Variants in ELMO1 observed in about 807,000 individuals in gnomAD.
ELMO1 encodes engulfment and cell motility 1, also known as engulfment and cell motility protein 1.
In ELMO1, 26 loss-of-function variants were observed where a neutral mutation model predicts 98.9. That is an observed-to-expected ratio of 0.26 (90% confidence interval 0.19 to 0.36). The LOEUF is 0.36. Ranked by LOEUF, ELMO1 falls within the 10% of genes least tolerant of loss-of-function variation. ELMO1 has a pLI of 1.00. For missense variants in ELMO1, 627 were observed against 935.2 expected (o/e 0.67, Z 4.30); for synonymous variants, 346 against 346.0 (o/e 1.00, Z 0.00).
intron 16 of ELMO1, among the ~76,000 whole-genome samples, chr7:37,006,980 C>T (rs928469352): frequency 2.0e-5 from 3 of 151,974 alleles, no homozygotes; most frequent in African/African-American, 2.4e-5. Context: ...CAACAGAAAG[C>T]GGCAAACTCC....
chr7:36,855,850 T>A lies in ELMO1; in HGVS notation c.1984-99A>T. On this transcript the variant is annotated intron_variant, in intron 21 of 21. Coordinates refer to ENST00000310758, the MANE Select transcript of ELMO1 (RefSeq NM_014800.11). The surrounding 1 kb of genome is among the most constrained non-coding windows in gnomAD (Gnocchi z 4.2). ...AGTGAATACTCATCCCTCAGTAGGCTGTGCGCTAAGGGCTCTGCCTACTTC... is the reference window on the plus strand; with the variant it reads ...AGTGAATACTCATCCCTCAGTAGGCAGTGCGCTAAGGGCTCTGCCTACTTC... 3 of 1,386,794 alleles carry A rather than the reference T, an allele frequency of 2.2e-6. No individual in the cohort carries two copies. Among genetic ancestry groups the A allele is most frequent in the Non-Finnish European group, 3.0e-6 (3 of 988,718 alleles). 85.9% of individuals were successfully genotyped at this position (1,386,794 alleles called of 1,614,324 possible).
intron 16 of ELMO1, among the ~76,000 whole-genome samples, chr7:37,001,552 CA>C (rs1235217504): frequency 6.6e-6 from 1 of 152,034 alleles, no homozygotes; most frequent in Non-Finnish European, 1.5e-5. Flanking sequence ...AGATATTTTC[CA>C]AAAAATTTTG....
At chr7:37,181,226 C>G (rs541572099) in intron 13 of ELMO1, among the ~76,000 whole-genome samples, 4 of 152,228 alleles carry the variant, frequency 2.6e-5, no homozygotes, top group East Asian at 1.9e-4. Context: ...CATCAGCATG[C>G]CCAGTGGCCA....
chr7:37,121,911 A>C (rs1563015960), intron 14 of ELMO1, among the ~76,000 whole-genome samples: 2 of 152,250 alleles, frequency 1.3e-5, no homozygotes, highest in African/African-American at 4.8e-5. Context: ...CACAAAGGGA[A>C]GCCCATCAGA....
At chr7:37,327,880 A>T (rs1799901002) in intron 2 of ELMO1, among the ~76,000 whole-genome samples, 1 of 152,180 alleles carries the variant, frequency 6.6e-6, no homozygotes, top group Non-Finnish European at 1.5e-5. Flanking sequence ...CAATAATGAC[A>T]ATCTCACATT....
At chr7:37,433,195 C>G (rs11767227) in intron 1 of ELMO1, among the ~76,000 whole-genome samples, 32,690 of 152,152 alleles carry the variant, frequency 0.21, 3,639 homozygotes, top group South Asian at 0.36. Context: ...GACGAAGGAA[C>G]CATTTTAAAG....
chr7:37,063,427 C>T (rs1001178967), intron 15 of ELMO1, among the ~76,000 whole-genome samples: 6 of 152,002 alleles, frequency 3.9e-5, no homozygotes, highest in Non-Finnish European at 1.5e-5. Context: ...AATAAAAGGT[C>T]CTACAGTCAG....
At chr7:36,926,050 T>C (rs1054628678) in intron 16 of ELMO1, among the ~76,000 whole-genome samples, 1 of 152,180 alleles carries the variant, frequency 6.6e-6, no homozygotes, top group Non-Finnish European at 1.5e-5. Flanking sequence ...CCCCTTCATC[T>C]TCATTCTTCC....
intron 4 of ELMO1, among the ~76,000 whole-genome samples, chr7:37,303,842 A>C (rs991867137): frequency 6.6e-6 from 1 of 152,188 alleles, no homozygotes; most frequent in Non-Finnish European, 1.5e-5. Context: ...GTTGCATCTT[A>C]CCAAGCATAA....
intron 1 of ELMO1, among the ~76,000 whole-genome samples, chr7:37,439,308 C>T (rs766585801): frequency 1.4e-4 from 21 of 152,252 alleles, no homozygotes; most frequent in Non-Finnish European, 2.6e-4. Flanking sequence ...TGTCCTCCAT[C>T]ACCCTGATTG....
intron 16 of ELMO1, among the ~76,000 whole-genome samples, chr7:36,978,421 G>A (rs1790766988): frequency 6.6e-6 from 1 of 151,980 alleles, no homozygotes; most frequent in Admixed American, 6.6e-5. Context: ...AATACATCAT[G>A]GGTATGAAGT....
At chr7:36,926,524 G>A (rs1236247121) in intron 16 of ELMO1, among the ~76,000 whole-genome samples, 1 of 152,024 alleles carries the variant, frequency 6.6e-6, no homozygotes, top group Non-Finnish European at 1.5e-5. Context: ...GGAGTCTCAG[G>A]TTTTACCTTT....
chr7:37,415,480 G>A (rs905798705), intron 1 of ELMO1, among the ~76,000 whole-genome samples: 5 of 152,092 alleles, frequency 3.3e-5, no homozygotes, highest in African/African-American at 1.2e-4. Context: ...GTGTCGACTT[G>A]GCAAGTTTAT....
intron 19 of ELMO1, among the ~76,000 whole-genome samples, chr7:36,873,134 A>G (rs1267077159): frequency 6.6e-6 from 1 of 152,180 alleles, no homozygotes; most frequent in African/African-American, 2.4e-5. Flanking sequence ...TAGGATTATG[A>G]CTAAAAGGAA....
chr7:37,433,920 C>A (rs1805035735), intron 1 of ELMO1, among the ~76,000 whole-genome samples: 2 of 152,120 alleles, frequency 1.3e-5, no homozygotes, highest in Admixed American at 6.5e-5. Flanking sequence ...CACTCAGAAC[C>A]CCTGCCTGTC....
intron 16 of ELMO1, among the ~76,000 whole-genome samples, chr7:36,991,397 G>A (rs995949779): frequency 3.9e-5 from 6 of 152,228 alleles, no homozygotes; most frequent in African/African-American, 9.6e-5. Context: ...CAATGGGTCA[G>A]AGGTGTAGCC....
At chr7:37,050,659 C>CACACACACACAA (rs767009287) in intron 15 of ELMO1, among the ~76,000 whole-genome samples, 1 of 142,630 alleles carries the variant, frequency 7.0e-6, no homozygotes, top group Non-Finnish European at 1.5e-5. Flanking sequence ...CACACACACA[C>CACACACACACAA]AAAAGGTAAC....
intron 19 of ELMO1, among the ~76,000 whole-genome samples, chr7:36,874,050 A>G (rs1425865057): frequency 6.6e-6 from 1 of 152,220 alleles, no homozygotes; most frequent in Non-Finnish European, 1.5e-5. Context: ...GCCACATGGC[A>G]TGGAATGGTG....
chr7:37,362,795 C>T (rs1367122275), intron 1 of ELMO1, among the ~76,000 whole-genome samples: 1 of 152,170 alleles, frequency 6.6e-6, no homozygotes, highest in African/African-American at 2.4e-5. Flanking sequence ...TTCCTGCTTC[C>T]CCTCTTCTGA....
Sources: allele counts gnomAD v4.1 joint callset (sites outside exome capture counted in the v4.1 genomes callset), GRCh38; gene constraint gnomAD v4.1.1; non-coding constraint Gnocchi (gnomAD v3.1); transcripts MANE v1.5; gene names NCBI Gene and HGNC (gene_info 2026-07-23, HGNC 2026-07-21).